The following THADA variants were observed in gnomAD, a reference collection of about 807,000 sequenced individuals.
THADA encodes the protein THADA armadillo repeat containing, also known as tRNA (32-2'-O)-methyltransferase regulator THADA.
A neutral mutation model predicts 219.8 loss-of-function variants in THADA; 213 were observed. That is an observed-to-expected ratio of 0.97 (90% CI 0.87 to 1.09). THADA has a LOEUF of 1.09. Among genes scored for constraint, THADA ranks in the 50% least tolerant of loss-of-function variants. The pLI is 0.00. For missense variants in THADA, 2,956 were observed against 2,311.3 expected (o/e 1.28, Z -5.72); for synonymous variants, 1,018 against 828.9 (o/e 1.23, Z -3.92).
chr2:43,504,975 T>A (rs989981232), intron 24 of THADA, among the ~76,000 whole-genome samples: 2 of 152,192 alleles, frequency 1.3e-5, no homozygotes, highest in Non-Finnish European at 2.9e-5. Context: ...TTGATAGTTA[T>A]TAATATTTAC....
chr2:43,422,317 T>C (rs1436060005), intron 28 of THADA, among the ~76,000 whole-genome samples: 1 of 152,216 alleles, frequency 6.6e-6, no homozygotes, highest in Non-Finnish European at 1.5e-5. Flanking sequence ...ACCATTATCA[T>C]GTTGCCACTA....
At chr2:43,330,148 C>CCAT (rs1679792855) in intron 30 of THADA, among the ~76,000 whole-genome samples, 3 of 152,312 alleles carry the variant, frequency 2.0e-5, no homozygotes, top group Admixed American at 2.0e-4. Flanking sequence ...ACTGTGTTTT[C>CCAT]TGGCTAGAGG....
intron 26 of THADA, among the ~76,000 whole-genome samples, chr2:43,457,598 T>C (rs1447659992): frequency 1.3e-5 from 2 of 152,210 alleles, no homozygotes; most frequent in Admixed American, 6.6e-5. Flanking sequence ...ATGTAAATTC[T>C]GGCATTCCAT....
At chr2:43,308,892 C>T (rs1029838396) in intron 31 of THADA, among the ~76,000 whole-genome samples, 1 of 151,334 alleles carries the variant, frequency 6.6e-6, no homozygotes, top group Admixed American at 6.6e-5. Flanking sequence ...TTTGAGGGAG[C>T]ATCTTTGTGA....
In THADA at chr2:43,527,963, TTAAAG is replaced by T; in HGVS notation, c.3285_3289del (p.Tyr1095Ter). On this transcript the variant is annotated stop_gained and frameshift_variant, in exon 22 of 38. Transcript: ENST00000405975. LOFTEE classifies it high-confidence loss of function. ...GTGCCTGGACTGCAAAAGGTGTTGT[TTAAAG>T]TAATCTCCTATTTCTTTTACCTTTA... 2 of 1,613,452 alleles carry T rather than the reference TTAAAG, an allele frequency of 1.2e-6. No homozygotes were observed. Among genetic ancestry groups the T allele is most frequent in the Non-Finnish European group, 1.7e-6 (2 of 1,179,656 alleles).
At chr2:43,344,345 C>CAG in intron 29 of THADA, 108 bp from the exon 30 acceptor site, 1 of 726,452 alleles carries the variant, frequency 1.4e-6, no homozygotes, top group Non-Finnish European at 2.2e-6. Context: ...AGAAAACAGA[C>CAG]ACCTGCAGAA....
chr2:43,493,500 A>G (rs985424123), intron 25 of THADA, among the ~76,000 whole-genome samples: 12 of 152,112 alleles, frequency 7.9e-5, no homozygotes, highest in African/African-American at 2.9e-4. Flanking sequence ...TCCAAAATAA[A>G]AATAAACCCA....
chr2:43,582,059 T>A, intron 7 of THADA, 131 bp from the exon 8 acceptor site: 1 of 663,160 alleles, frequency 1.5e-6, no homozygotes, highest in South Asian at 2.4e-5. Context: ...TTTATTCCTC[T>A]CTCTTCCATT....
At chr2:43,417,378 C>CAA (rs1677130821) in intron 28 of THADA, among the ~76,000 whole-genome samples, 1 of 152,074 alleles carries the variant, frequency 6.6e-6, no homozygotes, top group Admixed American at 6.6e-5. Flanking sequence ...TATAACTGTG[C>CAA]AATGACCCAT....
chr2:43,266,461 G>C (rs911420099), intron 36 of THADA, among the ~76,000 whole-genome samples: 1 of 152,164 alleles, frequency 6.6e-6, no homozygotes. Context: ...AAGTTAGCCG[G>C]GCGTGGTGGC....
At chr2:43,427,502 T>TC (rs1466181718) in intron 28 of THADA, among the ~76,000 whole-genome samples, 1 of 112,302 alleles carries the variant, frequency 8.9e-6, no homozygotes, top group Non-Finnish European at 1.8e-5. Flanking sequence ...CCTCCCAAAG[T>TC]TTGTGTGTGT....
At chr2:43,339,758 T>C (rs558911539) in intron 30 of THADA, among the ~76,000 whole-genome samples, 2 of 152,148 alleles carry the variant, frequency 1.3e-5, no homozygotes, top group African/African-American at 4.8e-5. Flanking sequence ...TTAGCCAAAG[T>C]AAATAAGCGA....
chr2:43,409,400 T>C (rs1048237823), intron 28 of THADA, among the ~76,000 whole-genome samples: 16 of 152,044 alleles, frequency 1.1e-4, no homozygotes, highest in African/African-American at 3.9e-4. Context: ...GCAACAGATA[T>C]TGAGATATTA....
intron 36 of THADA, among the ~76,000 whole-genome samples, chr2:43,241,118 G>T (rs1668577752): frequency 6.6e-6 from 1 of 151,902 alleles, no homozygotes; most frequent in South Asian, 2.1e-4. Flanking sequence ...TTGAGACAGG[G>T]TCTCACTCTG....
At chr2:43,287,095 G>C (rs1674124145) in intron 34 of THADA, 34 bp from the exon 35 acceptor site, 1 of 1,582,854 alleles carries the variant, frequency 6.3e-7, no homozygotes, top group Non-Finnish European at 8.6e-7. Flanking sequence ...CAGTAGTTCA[G>C]AAGATGCAAC....
rs115131732 is a variant in THADA, at chr2:43,529,589, T to A, written c.3265-1601A>T. Among the ~76,000 whole-genome samples the A allele has an allele frequency of 4.4e-3, 675 of 152,354 alleles. 2 individuals are homozygous for A. The highest frequency in any genetic ancestry group is 0.015 in the African/African-American group (644 of 41,598). On this transcript the variant is annotated intron_variant, in intron 21 of 37. Coordinates refer to ENST00000405975, the MANE Select transcript of THADA (RefSeq NM_022065.5). ...TTTTGAATAGAATTAACTTTTAAGC[T>A]GATTAGGCTTTTATACCATTAGATT...
intron 34 of THADA, 40 bp from the exon 35 acceptor site, chr2:43,287,101 G>A: frequency 6.4e-7 from 1 of 1,570,880 alleles, no homozygotes; most frequent in Non-Finnish European, 8.7e-7. Flanking sequence ...TTCAGAAGAT[G>A]CAACAAGGGC....
At chr2:43,548,466 C>T (rs1328817029) in intron 20 of THADA, among the ~76,000 whole-genome samples, 1 of 152,212 alleles carries the variant, frequency 6.6e-6, no homozygotes, top group Non-Finnish European at 1.5e-5. Context: ...GCCCTGCCCC[C>T]AGAGGTGGAG....
Position 43,541,296 on chromosome 2 carries a change from C to T in THADA, c.3127G>A (p.Asp1043Asn), listed in dbSNP as rs758896058. Residue 1043 changes from aspartate to asparagine, a missense_variant, in exon 21 of 38, where the codon GAT (aspartate) becomes AAT (asparagine). Transcript: ENST00000405975. ...ACCAGCACCATCTGCGCAGTTACATCACATGTTTTTACTTCTTTACCTTAA... is the reference window on the plus strand; with the variant it reads ...ACCAGCACCATCTGCGCAGTTACATTACATGTTTTTACTTCTTTACCTTAA... ...EIKGKEVKTC[D>N]VTAQMVLVCC... is the part of the protein sequence containing the mutation. 5.0e-6 allele frequency: 8 copies of T among 1,613,272 alleles called. No individual in the cohort carries two copies. The South Asian group carries it at 7.7e-5, about 16-fold the overall frequency.
Sources: allele counts gnomAD v4.1 joint callset (sites outside exome capture counted in the v4.1 genomes callset), GRCh38; gene constraint gnomAD v4.1.1; transcripts MANE v1.5; gene names NCBI Gene and HGNC (gene_info 2026-07-23, HGNC 2026-07-21).